The following DOCK3 variants were observed in gnomAD, a reference collection of about 807,000 sequenced individuals.
DOCK3 encodes the protein dedicator of cytokinesis protein 3.
A neutral mutation model predicts 265.6 loss-of-function variants in DOCK3; 60 were observed. The ratio of observed to expected loss-of-function variants is 0.23; its 90% CI spans 0.18 to 0.28. The LOEUF is 0.28. Ranked by LOEUF, DOCK3 falls within the 10% of genes least tolerant of loss-of-function variation. DOCK3 has a pLI of 1.00. For synonymous variants in DOCK3, 881 were observed against 938.0 expected, an observed-to-expected ratio of 0.94 and a Z score of 1.11; for missense variants, 1,981 against 2,594.3, an observed-to-expected ratio of 0.76 and a Z score of 5.14.
chr3:50,958,505 A>G (rs1423068922), intron 5 of DOCK3, among the ~76,000 whole-genome samples: 1 of 152,170 alleles, frequency 6.6e-6, no homozygotes, highest in East Asian at 1.9e-4. Context: ...TGCAAGGATC[A>G]ACTACGATAA....
chr3:51,366,865 A>C (rs2110431112), intron 49 of DOCK3, among the ~76,000 whole-genome samples: 1 of 152,214 alleles, frequency 6.6e-6, no homozygotes, highest in Admixed American at 6.5e-5. Flanking sequence ...CGTTTGTTAT[A>C]ATTTCTTTTC....
chr3:51,298,263 C>G (rs982784180), intron 27 of DOCK3, among the ~76,000 whole-genome samples: 3 of 152,124 alleles, frequency 2.0e-5, no homozygotes, highest in Non-Finnish European at 4.4e-5. Context: ...ACCATGTAAT[C>G]CTTTCTGATT....
At chr3:51,090,096 G>T in intron 8 of DOCK3, 134 bp from the exon 9 acceptor site, 12 of 1,067,268 alleles carry the variant, frequency 1.1e-5, no homozygotes, top group Non-Finnish European at 1.6e-5. Flanking sequence ...TACAAGCAGA[G>T]AAAACATCTT....
intron 5 of DOCK3, among the ~76,000 whole-genome samples, chr3:51,055,971 G>C (rs906838256): frequency 2.0e-5 from 3 of 152,198 alleles, no homozygotes; most frequent in African/African-American, 7.2e-5. Context: ...CATGGCCCTT[G>C]AGATGTGGAG....
rs530142924 is a variant in DOCK3, at chr3:51,181,190, A to C, written c.1037+20488A>C. 4.6e-5 allele frequency among the ~76,000 whole-genome samples: 7 copies of C among 152,192 alleles called. No homozygotes were observed. In the South Asian group the frequency reaches 1.0e-3, roughly 23 times the overall value. ...TCTAGGGTACATGGGCACAACGTGC[A>C]GGTTTGTTACATATGTATACATGTG... On this transcript the variant is annotated intron_variant, in intron 12 of 52. Transcript: ENST00000266037.
At chr3:50,880,555 C>T (rs982142745) in intron 3 of DOCK3, 3 of 198,504 alleles carry the variant, frequency 1.5e-5, no homozygotes, top group South Asian at 6.9e-5. Flanking sequence ...TGGATATATA[C>T]ACCCTCCCAG....
intron 1 of DOCK3, among the ~76,000 whole-genome samples, chr3:50,691,665 A>G (rs1051129505): frequency 1.3e-5 from 2 of 152,168 alleles, no homozygotes; most frequent in African/African-American, 2.4e-5. Context: ...TGGCTGTGCT[A>G]TACATTCCCA....
chr3:51,251,187 A>G (rs1344554947), intron 22 of DOCK3, among the ~76,000 whole-genome samples: 4 of 152,166 alleles, frequency 2.6e-5, no homozygotes, highest in Non-Finnish European at 5.9e-5. Flanking sequence ...TATCCCTACA[A>G]AGGACATGAA....
chr3:50,708,290 A>T (rs1044673151), intron 1 of DOCK3, among the ~76,000 whole-genome samples: 1 of 152,118 alleles, frequency 6.6e-6, no homozygotes, highest in Non-Finnish European at 1.5e-5. Context: ...GGTGGCTCTC[A>T]GGCTGTGGGG....
At chr3:51,060,186 T>TA (rs35488627) in intron 5 of DOCK3, among the ~76,000 whole-genome samples, 19,385 of 149,780 alleles carry the variant, frequency 0.13, 2,350 homozygotes, top group East Asian at 0.34. Context: ...CTATTGCATA[T>TA]AAAAAAAAAG....
chr3:51,075,215 G>T, intron 6 of DOCK3, 141 bp from the exon 7 acceptor site: 1 of 619,356 alleles, frequency 1.6e-6, no homozygotes, highest in African/African-American at 1.8e-5. Flanking sequence ...ATTAGTTGTT[G>T]CTGTATAAAG....
At chr3:50,710,083 A>G (rs1031030952) in intron 1 of DOCK3, among the ~76,000 whole-genome samples, 6 of 152,164 alleles carry the variant, frequency 3.9e-5, no homozygotes. Context: ...TAATATCAGA[A>G]AAACTCTTCT....
chr3:51,294,989 CAGATTGTGTTT>C (rs1194345512), intron 27 of DOCK3, among the ~76,000 whole-genome samples: 4 of 152,130 alleles, frequency 2.6e-5, no homozygotes, highest in Non-Finnish European at 4.4e-5. Flanking sequence ...ATTGACACAT[CAGATTGTGTTT>C]AATAATTATA....
intron 26 of DOCK3, chr3:51,278,377 C>A: frequency 2.0e-6 from 2 of 985,390 alleles, no homozygotes; most frequent in Non-Finnish European, 2.4e-6. Context: ...AGTAGACTTA[C>A]TTCTCAGCCC....
At chr3:51,252,249 G>T (rs1032641774) in intron 22 of DOCK3, among the ~76,000 whole-genome samples, 1 of 152,222 alleles carries the variant, frequency 6.6e-6, no homozygotes, top group Non-Finnish European at 1.5e-5. Flanking sequence ...GTACCATGCT[G>T]TTTTGGTTAC....
chr3:50,866,938 T>C (rs2047174320), intron 3 of DOCK3, among the ~76,000 whole-genome samples: 1 of 152,190 alleles, frequency 6.6e-6, no homozygotes, highest in South Asian at 2.1e-4. Context: ...GTTCCAAATA[T>C]ATTTTAGGAT....
At position 50,908,086 on chromosome 3, in the gene DOCK3, T is replaced by C. The variant is rs768645529; in HGVS notation, c.218+18005T>C. ...GTGATATCCCTGTTATCATTAATAA[T>C]TGTGTCTATTTGATTCTCATTTTTA... On this transcript the variant is annotated intron_variant, in intron 4 of 52. Transcript: ENST00000266037. Among the ~76,000 whole-genome samples the C allele has an allele frequency of 6.6e-5, 10 of 152,102 alleles. No individual in the cohort carries two copies. In the South Asian group the frequency reaches 1.9e-3, roughly 28 times the overall value.
chr3:51,379,116 T>C (rs1204102189), intron 51 of DOCK3, among the ~76,000 whole-genome samples: 1 of 152,216 alleles, frequency 6.6e-6, no homozygotes, highest in Admixed American at 6.5e-5. Flanking sequence ...CATTCTCATC[T>C]CTACTCTTCT....
intron 4 of DOCK3, among the ~76,000 whole-genome samples, chr3:50,928,824 GA>G (rs1559827113): frequency 6.6e-6 from 1 of 152,172 alleles, no homozygotes; most frequent in African/African-American, 2.4e-5. Context: ...ACAGTGGTAC[GA>G]AAGTCATATG....
Sources: allele counts gnomAD v4.1 joint callset (sites outside exome capture counted in the v4.1 genomes callset), GRCh38; gene constraint gnomAD v4.1.1; transcripts MANE v1.5; gene names NCBI Gene and HGNC (gene_info 2026-07-23, HGNC 2026-07-21).